LPP: variants seen among roughly 807,000 people sequenced by gnomAD.
The protein encoded by LPP is LIM domain containing preferred translocation partner in lipoma, also known as lipoma-preferred partner.
Under a neutral mutation model 60.4 loss-of-function variants are expected in LPP, and 38 were observed. That is an observed-to-expected ratio of 0.63 (90% CI 0.49 to 0.83). The LOEUF (loss-of-function observed/expected upper bound fraction) is 0.83. LPP is among the 40% of genes least tolerant of loss of function. The pLI, the probability that LPP is intolerant of heterozygous loss-of-function variation, is 0.00. For missense variants in LPP, 902 were observed against 783.6 expected, an observed-to-expected ratio of 1.15 and a Z score of -1.80; for synonymous variants, 328 against 290.8, an observed-to-expected ratio of 1.13 and a Z score of -1.30.
chr3:188,715,344 C>T (rs547459341), intron 8 of LPP, among the ~76,000 whole-genome samples: 7 of 128,314 alleles, frequency 5.5e-5, no homozygotes, highest in African/African-American at 1.8e-4. Context: ...TGCCACTGCA[C>T]TCCAGCCTGG....
chr3:188,492,819 A>G (rs1033972413), intron 5 of LPP, among the ~76,000 whole-genome samples: 18 of 152,346 alleles, frequency 1.2e-4, no homozygotes, highest in Non-Finnish European at 2.9e-5. Context: ...CTCCCAATAA[A>G]CACGCCAAAT....
chr3:188,323,348 T>TG (rs1214749649), intron 2 of LPP, among the ~76,000 whole-genome samples: 2 of 152,176 alleles, frequency 1.3e-5, no homozygotes, highest in Non-Finnish European at 2.9e-5. Flanking sequence ...CTTCCTGGGC[T>TG]GGGGAAATAT....
At chr3:188,206,086 T>C (rs1004932400) in intron 1 of LPP, among the ~76,000 whole-genome samples, 2 of 152,128 alleles carry the variant, frequency 1.3e-5, no homozygotes, top group African/African-American at 4.8e-5. Context: ...ATGTGACGGG[T>C]CTGAGACCTC....
intron 7 of LPP, among the ~76,000 whole-genome samples, chr3:188,668,533 T>C (rs1355382027): frequency 6.6e-6 from 1 of 152,172 alleles, no homozygotes; most frequent in Non-Finnish European, 1.5e-5. Context: ...ATTCCATAAT[T>C]TCCAGTGCCA....
At chr3:188,478,481 A>G (rs1048649122) in intron 4 of LPP, among the ~76,000 whole-genome samples, 9 of 152,092 alleles carry the variant, frequency 5.9e-5, no homozygotes, top group African/African-American at 1.9e-4. Context: ...ACCACATTAT[A>G]TAAAATATAT....
chr3:188,492,696 C>T (rs1456273941), intron 5 of LPP, among the ~76,000 whole-genome samples: 1 of 151,976 alleles, frequency 6.6e-6, no homozygotes, highest in African/African-American at 2.4e-5. Flanking sequence ...AACTCCGTCT[C>T]AAAGAAACAA....
intron 2 of LPP, among the ~76,000 whole-genome samples, chr3:188,230,180 G>T (rs1032455664): frequency 2.0e-5 from 3 of 151,948 alleles, no homozygotes; most frequent in African/African-American, 4.8e-5. Flanking sequence ...CCGCCTCCAG[G>T]ATTCAAGAGA....
intron 9 of LPP, among the ~76,000 whole-genome samples, chr3:188,786,859 T>C (rs1045803621): frequency 1.3e-5 from 2 of 152,188 alleles, no homozygotes; most frequent in African/African-American, 4.8e-5. Flanking sequence ...ATTCTATATA[T>C]AACATTCTTG....
At chr3:188,426,525 T>C (rs1431113252) in intron 4 of LPP, among the ~76,000 whole-genome samples, 2 of 152,172 alleles carry the variant, frequency 1.3e-5, no homozygotes, top group African/African-American at 4.8e-5. Flanking sequence ...TTCTGTCTCG[T>C]TGATCTGTCT....
At chr3:188,171,240 G>A (rs1239692607) in intron 1 of LPP, among the ~76,000 whole-genome samples, 1 of 152,186 alleles carries the variant, frequency 6.6e-6, no homozygotes, top group Non-Finnish European at 1.5e-5. Context: ...GTACTTTTGA[G>A]CCTGGCAGTA....
intron 6 of LPP, among the ~76,000 whole-genome samples, chr3:188,586,289 C>T (rs1028816732): frequency 6.6e-6 from 1 of 151,904 alleles, no homozygotes; most frequent in Non-Finnish European, 1.5e-5. Flanking sequence ...AACTAAATGC[C>T]AGCAACAAAA....
chr3:188,438,664 T>C (rs1792986210), intron 4 of LPP, among the ~76,000 whole-genome samples: 1 of 152,184 alleles, frequency 6.6e-6, no homozygotes, highest in Non-Finnish European at 1.5e-5. Flanking sequence ...TTTGAACTTA[T>C]TAGGCAGACC....
At chr3:188,509,735 C>A (rs1814792476) in intron 5 of LPP, among the ~76,000 whole-genome samples, 1 of 148,416 alleles carries the variant, frequency 6.7e-6, no homozygotes, top group Non-Finnish European at 1.5e-5. Context: ...CTCTGTCGCC[C>A]AGGCTGGAGT....
chr3:188,157,487 C>T (rs1346073981), intron 1 of LPP, among the ~76,000 whole-genome samples: 1 of 151,998 alleles, frequency 6.6e-6, no homozygotes, highest in Non-Finnish European at 1.5e-5. Flanking sequence ...CTCATAAGAA[C>T]TGTGTAGCCC....
chr3:188,715,188 G>A (rs1314130856), intron 8 of LPP, among the ~76,000 whole-genome samples: 1 of 151,840 alleles, frequency 6.6e-6, no homozygotes, highest in Non-Finnish European at 1.5e-5. Flanking sequence ...GACCATCCTG[G>A]CCAACATGGT....
At chr3:188,839,670 C>T (rs142018073) in intron 9 of LPP, among the ~76,000 whole-genome samples, 2 of 151,784 alleles carry the variant, frequency 1.3e-5, no homozygotes, top group Non-Finnish European at 1.5e-5. Flanking sequence ...GTCAGGAGAT[C>T]GAGACCATCC....
intron 2 of LPP, among the ~76,000 whole-genome samples, chr3:188,241,694 G>A (rs770793863): frequency 6.6e-6 from 1 of 151,846 alleles, no homozygotes; most frequent in Non-Finnish European, 1.5e-5. Context: ...TCATCTACAT[G>A]GACAACCTAT....
At chr3:188,381,454 G>A (rs11706429) in intron 3 of LPP, among the ~76,000 whole-genome samples, 51,609 of 152,006 alleles carry the variant, frequency 0.34, 10,541 homozygotes, top group Middle Eastern at 0.6. Flanking sequence ...TACTAAAATG[G>A]ACTGTCCAGC....
intron 5 of LPP, among the ~76,000 whole-genome samples, chr3:188,489,786 A>G (rs906746174): frequency 2.0e-5 from 3 of 152,082 alleles, no homozygotes; most frequent in South Asian, 2.1e-4. Context: ...GGGGCTCAAT[A>G]TTTAACTTCC....
Sources: allele counts gnomAD v4.1 joint callset (sites outside exome capture counted in the v4.1 genomes callset), GRCh38; gene constraint gnomAD v4.1.1; transcripts MANE v1.5; gene names NCBI Gene and HGNC (gene_info 2026-07-23, HGNC 2026-07-21).